The following NHS variants were observed in gnomAD, a reference collection of about 807,000 sequenced individuals.
NHS encodes actin remodeling regulator NHS.
NHS carries 5 observed loss-of-function variants against 72.5 expected under a neutral mutation model. The ratio of observed to expected loss-of-function variants is 0.07; its 90% CI spans 0.04 to 0.14. NHS has a LOEUF of 0.14. NHS is among the 10% of genes least tolerant of loss of function. The pLI, the probability that NHS is intolerant of heterozygous loss-of-function variation, is 1.00. For synonymous variants in NHS, 464 were observed against 547.7 expected (o/e 0.85, Z 2.13); for missense variants, 1,072 against 1,355.7 (o/e 0.79, Z 3.29).
chrX:17,430,301 TTC>T (rs2064685915), intron 1 of NHS, among the ~76,000 whole-genome samples: 1 of 87,485 alleles, frequency 1.1e-5, no homozygotes. Flanking sequence ...CTTTCTTTCT[TTC>T]TTTCTTTCTT....
chrX:17,457,182 A>G (rs771406793), intron 1 of NHS, among the ~76,000 whole-genome samples: 1 of 111,984 alleles, frequency 8.9e-6, no homozygotes, highest in African/African-American at 3.2e-5. Flanking sequence ...TATTATTTCC[A>G]TTTTAGAGAT....
At chrX:17,591,941 G>A (rs2065604870) in intron 1 of NHS, among the ~76,000 whole-genome samples, 1 of 111,399 alleles carries the variant, frequency 9.0e-6, no homozygotes, top group South Asian at 3.8e-4. Context: ...CGTGGTTCCT[G>A]GATAGTCTTG....
At chrX:17,474,068 C>G (rs998221825) in intron 1 of NHS, among the ~76,000 whole-genome samples, 13 of 111,597 alleles carry the variant, frequency 1.2e-4, no homozygotes, top group African/African-American at 4.2e-4. Flanking sequence ...CTGCTCCTCT[C>G]CCTCCTCCCA....
intron 1 of NHS, among the ~76,000 whole-genome samples, chrX:17,621,686 C>A (rs1397938868): frequency 9.0e-6 from 1 of 111,347 alleles, no homozygotes; most frequent in African/African-American, 3.3e-5. Context: ...CCCTTCCCGA[C>A]ACATGATCTT....
chrX:17,616,485 G>T (rs971673951), intron 1 of NHS, among the ~76,000 whole-genome samples: 22 of 112,451 alleles, frequency 2.0e-4, no homozygotes, highest in African/African-American at 6.1e-4. Flanking sequence ...AAAGAAGCAG[G>T]TGATGTTAGT....
intron 1 of NHS, among the ~76,000 whole-genome samples, chrX:17,593,481 AT>A (rs2065611897): frequency 9.0e-6 from 1 of 110,833 alleles, no homozygotes; most frequent in African/African-American, 3.3e-5. Flanking sequence ...AGAAGTCCCA[AT>A]TTCTTAGAAC....
At chrX:17,500,274 C>G (rs1184717025) in intron 1 of NHS, among the ~76,000 whole-genome samples, 2 of 112,032 alleles carry the variant, frequency 1.8e-5, no homozygotes, top group Non-Finnish European at 3.8e-5. Context: ...GATTCACAAG[C>G]TGGGGCTTTA....
chrX:17,470,045 A>G (rs188990832), intron 1 of NHS, among the ~76,000 whole-genome samples: 99 of 111,403 alleles, frequency 8.9e-4, no homozygotes, highest in African/African-American at 3.1e-3. Flanking sequence ...CCTACACAGC[A>G]GACTGGGGTG....
chrX:17,412,456 G>A (rs1299195745), intron 1 of NHS, among the ~76,000 whole-genome samples: 1 of 110,021 alleles, frequency 9.1e-6, no homozygotes, highest in Non-Finnish European at 1.9e-5. Flanking sequence ...AATCAGCTGG[G>A]TGTGGTGGCA....
At chrX:17,580,170 T>C (rs1233646930) in intron 1 of NHS, among the ~76,000 whole-genome samples, 16 of 98,800 alleles carry the variant, frequency 1.6e-4, no homozygotes, top group African/African-American at 7.3e-4. Context: ...CCCCACTCTC[T>C]CCAAATGCCA....
chrX:17,419,520 G>C, intron 1 of NHS, among the ~76,000 whole-genome samples: 1 of 111,488 alleles, frequency 9.0e-6, no homozygotes, highest in East Asian at 2.8e-4. Context: ...AAGCCTGGGT[G>C]GTATTTGCCC....
chrX:17,579,037 C>T (rs185855757), intron 1 of NHS, among the ~76,000 whole-genome samples: 1 of 112,187 alleles, frequency 8.9e-6, no homozygotes, highest in Non-Finnish European at 1.9e-5. Context: ...AGTAAATTAT[C>T]TCAGCCAAAA....
intron 3 of NHS, among the ~76,000 whole-genome samples, chrX:17,711,392 A>G (rs989456245): frequency 1.8e-5 from 2 of 112,159 alleles, no homozygotes; most frequent in Non-Finnish European, 3.8e-5. Context: ...CCTCTTTTCC[A>G]TTCATGTGGG....
At chrX:17,618,102 T>A (rs1326836979) in intron 1 of NHS, among the ~76,000 whole-genome samples, 1 of 112,211 alleles carries the variant, frequency 8.9e-6, no homozygotes, top group African/African-American at 3.2e-5. Flanking sequence ...TCATTACATA[T>A]CCAAATAACC....
intron 1 of NHS, among the ~76,000 whole-genome samples, chrX:17,609,135 G>A (rs1350719700): frequency 8.9e-6 from 1 of 111,809 alleles, no homozygotes; most frequent in African/African-American, 3.3e-5. Flanking sequence ...GCAGTGGGAA[G>A]GGACTGAGCC....
chrX:17,717,490 C>G (rs1304519528), intron 3 of NHS, among the ~76,000 whole-genome samples: 1 of 112,419 alleles, frequency 8.9e-6, no homozygotes, highest in Non-Finnish European at 1.9e-5. Context: ...AGGATAAGTG[C>G]TATAATAGAG....
intron 1 of NHS, among the ~76,000 whole-genome samples, chrX:17,425,431 C>G (rs765318106): frequency 2.9e-5 from 3 of 103,797 alleles, no homozygotes; most frequent in African/African-American, 1.1e-4. Flanking sequence ...GTTATTTTCT[C>G]TATTAGCAAA....
chrX:17,389,891 C>T (rs1315921614), intron 1 of NHS, among the ~76,000 whole-genome samples: 4 of 109,598 alleles, frequency 3.6e-5, no homozygotes, highest in South Asian at 7.7e-4. Flanking sequence ...CGTGAGCCAC[C>T]GCACCTGGCC....
chrX:17,549,618 T>A (rs1601763101), intron 1 of NHS, among the ~76,000 whole-genome samples: 3 of 111,935 alleles, frequency 2.7e-5, no homozygotes, highest in African/African-American at 9.7e-5. Context: ...AGCTCGTTTC[T>A]GTTTAGCAGA....
Sources: allele counts gnomAD v4.1 joint callset (sites outside exome capture counted in the v4.1 genomes callset), GRCh38; gene constraint gnomAD v4.1.1; transcripts MANE v1.5; gene names NCBI Gene and HGNC (gene_info 2026-07-23, HGNC 2026-07-21).